RGS17: variants seen among roughly 807,000 people sequenced by gnomAD.
RGS17 encodes regulator of G protein signaling 17.
A neutral mutation model predicts 25.5 loss-of-function variants in RGS17; 12 were observed. The observed-to-expected ratio is 0.47, with a 90% CI of 0.30 to 0.76. RGS17 has a LOEUF of 0.76. Ranked by LOEUF, RGS17 falls within the 30% of genes least tolerant of loss-of-function variation. The pLI is 0.07. For missense variants in RGS17, 196 were observed against 242.2 expected (o/e 0.81, Z 1.27); for synonymous variants, 71 against 76.9 (o/e 0.92, Z 0.40).
intron 1 of RGS17, among the ~76,000 whole-genome samples, chr6:153,087,994 T>C (rs1247227426): frequency 6.6e-6 from 1 of 152,206 alleles, no homozygotes; most frequent in Non-Finnish European, 1.5e-5. Context: ...GTTAGGTTAT[T>C]AAAAGATCAT....
intron 1 of RGS17, among the ~76,000 whole-genome samples, chr6:153,107,553 T>G (rs1777403755): frequency 6.6e-6 from 1 of 152,122 alleles, no homozygotes; most frequent in African/African-American, 2.4e-5. Context: ...AAAAAAAAAT[T>G]CAAGTACAAA....
intron 2 of RGS17, among the ~76,000 whole-genome samples, chr6:153,042,462 C>A (rs1464426755): frequency 1.3e-5 from 2 of 152,212 alleles, no homozygotes; most frequent in Admixed American, 6.5e-5. Flanking sequence ...CACATGCACT[C>A]TTGCCTGCCA....
At chr6:153,095,418 T>C (rs2129122359) in intron 1 of RGS17, among the ~76,000 whole-genome samples, 1 of 152,248 alleles carries the variant, frequency 6.6e-6, no homozygotes, top group Admixed American at 6.5e-5. Context: ...TTTAAAATGT[T>C]TCTACTTTGT....
chr6:153,122,351 G>A (rs781730359), intron 1 of RGS17, among the ~76,000 whole-genome samples: 1 of 151,998 alleles, frequency 6.6e-6, no homozygotes, highest in Non-Finnish European at 1.5e-5. Context: ...TCTATTGTTT[G>A]GTTTTGAGTA....
intron 1 of RGS17, among the ~76,000 whole-genome samples, chr6:153,100,862 A>T (rs1777292728): frequency 6.6e-6 from 1 of 152,194 alleles, no homozygotes; most frequent in African/African-American, 2.4e-5. Context: ...CAACTGTTCA[A>T]AACACGTTCA....
intron 1 of RGS17, among the ~76,000 whole-genome samples, chr6:153,050,366 TCC>T (rs1448964949): frequency 6.6e-6 from 1 of 152,070 alleles, no homozygotes; most frequent in Non-Finnish European, 1.5e-5. Flanking sequence ...AGGAATATTA[TCC>T]GTAATAATAA....
At chr6:153,018,474 A>AT (rs1266141657) in intron 4 of RGS17, among the ~76,000 whole-genome samples, 6 of 152,190 alleles carry the variant, frequency 3.9e-5, no homozygotes, top group African/African-American at 1.4e-4. Flanking sequence ...CTCAGACTGT[A>AT]ATAATATAGG....
chr6:153,083,222 C>T (rs1338790481), intron 1 of RGS17, among the ~76,000 whole-genome samples: 2 of 152,132 alleles, frequency 1.3e-5, no homozygotes, highest in Admixed American at 1.3e-4. Flanking sequence ...GATTGTATCT[C>T]TAATTAAATG....
intron 1 of RGS17, among the ~76,000 whole-genome samples, chr6:153,077,374 A>G (rs979041959): frequency 2.0e-5 from 3 of 152,086 alleles, no homozygotes; most frequent in Non-Finnish European, 4.4e-5. Context: ...AATAGTTGGG[A>G]CAATTGGGGA....
At chr6:153,084,885 G>A (rs985613459) in intron 1 of RGS17, among the ~76,000 whole-genome samples, 10 of 152,148 alleles carry the variant, frequency 6.6e-5, no homozygotes, top group African/African-American at 2.4e-4. Context: ...ATCCATTAAA[G>A]TACTTAGAAA....
At chr6:153,080,765 C>A (rs780426068) in intron 1 of RGS17, among the ~76,000 whole-genome samples, 37 of 151,786 alleles carry the variant, frequency 2.4e-4, no homozygotes, top group Non-Finnish European at 2.9e-4. Flanking sequence ...TAAAATGTCA[C>A]CTAAGCACTA....
chr6:153,078,776 G>T (rs1046297009), intron 1 of RGS17, among the ~76,000 whole-genome samples: 1 of 151,868 alleles, frequency 6.6e-6, no homozygotes, highest in Non-Finnish European at 1.5e-5. Flanking sequence ...ACTGTAAAAA[G>T]ATTTATCTAT....
At chr6:153,113,134 T>C (rs942159455) in intron 1 of RGS17, among the ~76,000 whole-genome samples, 30 of 152,198 alleles carry the variant, frequency 2.0e-4, no homozygotes, top group Middle Eastern at 3.4e-3. Context: ...GACTGGTAAA[T>C]TGGATGAAGA....
intron 1 of RGS17, among the ~76,000 whole-genome samples, chr6:153,129,074 T>C (rs896003482): frequency 6.6e-6 from 1 of 152,234 alleles, no homozygotes; most frequent in South Asian, 2.1e-4. Flanking sequence ...TGAGATCACG[T>C]GTCATTGCCA....
chr6:153,050,661 T>G, intron 1 of RGS17, among the ~76,000 whole-genome samples: 1 of 152,188 alleles, frequency 6.6e-6, no homozygotes, highest in East Asian at 1.9e-4. Context: ...AGAACAATAT[T>G]GACTACATGT....
chr6:153,122,997 G>GTATTTAA (rs1253512497), intron 1 of RGS17, among the ~76,000 whole-genome samples: 5 of 107,082 alleles, frequency 4.7e-5, no homozygotes, highest in African/African-American at 1.5e-4. Flanking sequence ...GTACATTGGA[G>GTATTTAA]TACATCAGAG....
At chr6:153,097,754 G>A (rs1777239020) in intron 1 of RGS17, among the ~76,000 whole-genome samples, 2 of 152,104 alleles carry the variant, frequency 1.3e-5, no homozygotes, top group Admixed American at 1.3e-4. Flanking sequence ...TTAGAAAGAG[G>A]AGGAAGGTTG....
intron 1 of RGS17, among the ~76,000 whole-genome samples, chr6:153,048,071 T>C (rs1776407257): frequency 6.6e-6 from 1 of 152,220 alleles, no homozygotes; most frequent in Non-Finnish European, 1.5e-5. Context: ...AATCCTCAAA[T>C]TTACATGCCC....
intron 2 of RGS17, among the ~76,000 whole-genome samples, chr6:153,027,881 G>A (rs1294298106): frequency 6.6e-6 from 1 of 152,188 alleles, no homozygotes; most frequent in Non-Finnish European, 1.5e-5. Flanking sequence ...AAAGTGTTTA[G>A]GAAGAGGTGC....
Sources: allele counts gnomAD v4.1 joint callset (sites outside exome capture counted in the v4.1 genomes callset), GRCh38; gene constraint gnomAD v4.1.1; transcripts MANE v1.5; gene names NCBI Gene and HGNC (gene_info 2026-07-23, HGNC 2026-07-21).